SMIM41: variants seen among roughly 807,000 people sequenced by gnomAD.
The protein encoded by SMIM41 is small integral membrane protein 41.
intron 2 of SMIM41, among the ~76,000 whole-genome samples, chr12:52,084,259 G>A (rs927082416): frequency 3.9e-5 from 6 of 151,942 alleles, no homozygotes; most frequent in Non-Finnish European, 7.4e-5. Context: ...CTATAATGGG[G>A]AGAATTGCTT....
intron 2 of SMIM41, among the ~76,000 whole-genome samples, chr12:52,100,766 C>G (rs1349079623): frequency 6.6e-6 from 1 of 151,976 alleles, no homozygotes; most frequent in Non-Finnish European, 1.5e-5. Context: ...AGTGACCGCG[C>G]CCAGCCACCA....
At position 52,092,268 on chromosome 12, in the gene SMIM41, T is replaced by C. The variant is rs1940019663; in HGVS notation, c.*195+8300T>C. The C allele has an allele frequency of 2.0e-5, 3 of 152,218 alleles. No individual in the cohort carries two copies. The South Asian group carries it at 6.2e-4, about 32-fold the overall frequency. The allele number at this position is 152,218 out of a possible 1,614,324, so 9.4% of individuals were successfully genotyped here. Reference sequence around the variant, plus strand: ...TTACAAGAATTGTAGGGGAAATGAATTAAAAGTAGAAACAATATTTCATCC... The same window carrying C: ...TTACAAGAATTGTAGGGGAAATGAACTAAAAGTAGAAACAATATTTCATCC... On this transcript the variant is annotated intron_variant, in intron 2 of 2. Transcript: ENST00000546390.
intron 2 of SMIM41, among the ~76,000 whole-genome samples, chr12:52,096,457 C>G (rs1168544152): frequency 6.6e-6 from 1 of 151,576 alleles, no homozygotes; most frequent in Non-Finnish European, 1.5e-5. Flanking sequence ...GGGTGTACAC[C>G]CACTGTGGTA....
At chr12:52,080,965 C>T (rs879635147) in intron 1 of SMIM41, among the ~76,000 whole-genome samples, 9 of 152,054 alleles carry the variant, frequency 5.9e-5, no homozygotes, top group Middle Eastern at 6.8e-3. Context: ...GCAGGGTTCC[C>T]CGCAGCTGGG....
At chr12:52,098,366 G>A (rs1264071529) in intron 2 of SMIM41, among the ~76,000 whole-genome samples, 1 of 151,820 alleles carries the variant, frequency 6.6e-6, no homozygotes, top group Non-Finnish European at 1.5e-5. Context: ...TTTCAGGTGG[G>A]GTATACACCA....
chr12:52,097,732 T>G (rs1331689064), intron 2 of SMIM41, among the ~76,000 whole-genome samples: 2 of 152,014 alleles, frequency 1.3e-5, no homozygotes, highest in African/African-American at 4.8e-5. Flanking sequence ...CGTCCATATA[T>G]TAAGAACAAT....
chr12:52,100,728 C>T (rs1275644365), intron 2 of SMIM41, among the ~76,000 whole-genome samples: 2 of 151,594 alleles, frequency 1.3e-5, no homozygotes, highest in Non-Finnish European at 2.9e-5. Flanking sequence ...CCACTTCGGC[C>T]CCCCAAAGTG....
At chr12:52,084,510 C>G (rs1939865172) in intron 2 of SMIM41, among the ~76,000 whole-genome samples, 1 of 152,088 alleles carries the variant, frequency 6.6e-6, no homozygotes, top group Non-Finnish European at 1.5e-5. Flanking sequence ...GAAAAGAGCC[C>G]AGAGTGAAAG....
chr12:52,103,654 G>C (rs1377511828), intron 2 of SMIM41, among the ~76,000 whole-genome samples: 1 of 152,092 alleles, frequency 6.6e-6, no homozygotes, highest in Non-Finnish European at 1.5e-5. Context: ...AGCTACTCGG[G>C]AGACTGAGAC....
intron 2 of SMIM41, among the ~76,000 whole-genome samples, chr12:52,101,028 G>T (rs2120713502): frequency 6.6e-6 from 1 of 152,188 alleles, no homozygotes; most frequent in Non-Finnish European, 1.5e-5. Context: ...CCTCTCCACT[G>T]CAGAAAAAAA....
chr12:52,098,606 T>C (rs57784931), intron 2 of SMIM41, among the ~76,000 whole-genome samples: 10,937 of 151,546 alleles, frequency 0.072, 1,255 homozygotes, highest in African/African-American at 0.25. Flanking sequence ...ACAGACCCTG[T>C]GACATTTGCT....
intron 2 of SMIM41, among the ~76,000 whole-genome samples, chr12:52,094,282 T>A (rs1940054051): frequency 6.7e-6 from 1 of 149,478 alleles, no homozygotes; most frequent in South Asian, 2.2e-4. Context: ...CACTGCAACC[T>A]CTGCCTCCTG....
intron 2 of SMIM41, among the ~76,000 whole-genome samples, chr12:52,096,704 A>G (rs1443602858): frequency 6.6e-6 from 1 of 151,698 alleles, no homozygotes; most frequent in East Asian, 1.9e-4. Flanking sequence ...TAACTATTGC[A>G]TATTGTCATT....
intron 2 of SMIM41, among the ~76,000 whole-genome samples, chr12:52,085,411 G>A (rs899944021): frequency 3.3e-5 from 5 of 152,174 alleles, no homozygotes; most frequent in African/African-American, 1.2e-4. Flanking sequence ...TCTTTAGGGT[G>A]GGGAAAAATA....
At chr12:52,096,387 G>T (rs1314349608) in intron 2 of SMIM41, among the ~76,000 whole-genome samples, 3 of 151,980 alleles carry the variant, frequency 2.0e-5, no homozygotes, top group Non-Finnish European at 4.4e-5. Context: ...CACCTACTGC[G>T]ATATTGAAAG....
chr12:52,094,272 C>A (rs61915191), intron 2 of SMIM41, among the ~76,000 whole-genome samples: 52,934 of 148,108 alleles, frequency 0.36, 11,104 homozygotes, highest in African/African-American at 0.55. Flanking sequence ...AGTCTCAGTT[C>A]ACTGCAACCT....
At chr12:52,094,141 A>AAG (rs1215615451) in intron 2 of SMIM41, among the ~76,000 whole-genome samples, 1 of 150,152 alleles carries the variant, frequency 6.7e-6, no homozygotes, top group Non-Finnish European at 1.5e-5. Context: ...CGGAAAAAAA[A>AAG]AAAAGAAAAA....
intron 2 of SMIM41, among the ~76,000 whole-genome samples, chr12:52,089,050 T>C (rs1439932341): frequency 2.6e-5 from 4 of 151,880 alleles, no homozygotes; most frequent in Admixed American, 2.6e-4. Context: ...TGCCAGGCAC[T>C]GCTCCAGGCA....
At chr12:52,100,441 G>A (rs114143270) in intron 2 of SMIM41, among the ~76,000 whole-genome samples, 1,775 of 152,032 alleles carry the variant, frequency 0.012, 45 homozygotes, top group African/African-American at 0.04. Flanking sequence ...CTGCGAGAAT[G>A]GGAGTAATAT....
Sources: allele counts gnomAD v4.1 joint callset (sites outside exome capture counted in the v4.1 genomes callset), GRCh38; gene constraint gnomAD v4.1.1; transcripts MANE v1.5; gene names NCBI Gene and HGNC (gene_info 2026-07-23, HGNC 2026-07-21).